The following CFAP47 variants were observed in gnomAD, a reference collection of about 807,000 sequenced individuals.
CFAP47 encodes cilia and flagella associated protein 47.
A neutral mutation model predicts 148.1 loss-of-function variants in CFAP47; 29 were observed. That is an observed-to-expected ratio of 0.20 (90% CI 0.15 to 0.27). The LOEUF (loss-of-function observed/expected upper bound fraction) is 0.27. Ranked by LOEUF, CFAP47 falls within the 10% of genes least tolerant of loss-of-function variation. CFAP47 has a pLI of 1.00. For missense variants in CFAP47, 1,872 were observed against 1,697.5 expected (o/e 1.10, Z -1.81); for synonymous variants, 664 against 577.3 (o/e 1.15, Z -2.15).
At chrX:36,173,720 G>A (rs1185725722) in intron 39 of CFAP47, among the ~76,000 whole-genome samples, 2 of 111,534 alleles carry the variant, frequency 1.8e-5, no homozygotes, top group Non-Finnish European at 3.8e-5. Context: ...TTACTTCCAA[G>A]TATGTCGTCA....
intron 45 of CFAP47, 23 bp from the exon 46 acceptor site, chrX:36,228,605 C>T (rs1555991861): frequency 1.9e-6 from 1 of 514,129 alleles, no homozygotes. Context: ...TTTAAATGAA[C>T]TGTTTTAAAA....
intron 57 of CFAP47, among the ~76,000 whole-genome samples, chrX:36,326,569 T>C (rs911605384): frequency 2.7e-5 from 3 of 111,668 alleles, no homozygotes; most frequent in Non-Finnish European, 5.6e-5. Context: ...GAGGAACTTA[T>C]TAGGAACTGG....
rs150175602 is a variant in CFAP47 at position 36,101,455 on chromosome X, G to C, written c.5127+1576G>C. On this transcript the variant is annotated intron_variant, in intron 32 of 63. Transcript: ENST00000378653. ...CATTTCAATACAGGAAAGCCTTCAA[G>C]TCTGAGAAATCTTTTCAGTTTTCTA... 2.5e-3 allele frequency among the ~76,000 whole-genome samples: 279 copies of C among 111,658 alleles called. 1 individual carries two copies. Among genetic ancestry groups the C allele is most frequent in the African/African-American group, 8.7e-3 (268 of 30,788 alleles).
At chrX:36,011,156 A>G (rs1937034911) in intron 21 of CFAP47, among the ~76,000 whole-genome samples, 1 of 111,945 alleles carries the variant, frequency 8.9e-6, no homozygotes, top group Non-Finnish European at 1.9e-5. Flanking sequence ...GCTGGTGTTG[A>G]GTAGTGTTTT....
chrX:36,204,059 G>A (rs1940011618), intron 44 of CFAP47, among the ~76,000 whole-genome samples: 1 of 111,676 alleles, frequency 9.0e-6, no homozygotes, highest in Admixed American at 9.5e-5. Flanking sequence ...CTTTTGAGAA[G>A]TGTCTGTTCA....
At chrX:36,055,024 G>A (rs1373382106) in intron 26 of CFAP47, among the ~76,000 whole-genome samples, 12 of 108,027 alleles carry the variant, frequency 1.1e-4, no homozygotes, top group African/African-American at 1.3e-4. Flanking sequence ...CACCCGCCTC[G>A]GCCTCCCAAA....
At chrX:36,140,526 G>A (rs1043782569) in intron 35 of CFAP47, among the ~76,000 whole-genome samples, 2 of 93,589 alleles carry the variant, frequency 2.1e-5, no homozygotes, top group African/African-American at 6.1e-5. Flanking sequence ...ATTGAAAGTC[G>A]GCTTAGCAGA....
rs935346621 is a variant in CFAP47, at chrX:36,156,996, C to T, written c.5787-2430C>T. 5.4e-5 allele frequency among the ~76,000 whole-genome samples: 6 copies of T among 110,191 alleles called. No individual in the cohort carries two copies. In the East Asian group the frequency reaches 1.7e-3, roughly 32 times the overall value. On this transcript the variant is annotated intron_variant, in intron 37 of 63. Coordinates refer to ENST00000378653, the MANE Select transcript of CFAP47 (RefSeq NM_001304548.2). ...TTTAGATGGTGGTCATTCTTGAATG[C>T]TTCTCTTTTCATCAGCTTCCATCGA...
chrX:35,924,341 ATG>A (rs1440705786), intron 1 of CFAP47, among the ~76,000 whole-genome samples: 3 of 106,071 alleles, frequency 2.8e-5, no homozygotes, highest in East Asian at 3.0e-4. Context: ...GTGTACATAT[ATG>A]TGTGCATATG....
chrX:36,289,941 T>C (rs782132278), intron 51 of CFAP47, among the ~76,000 whole-genome samples: 3 of 110,751 alleles, frequency 2.7e-5, no homozygotes, highest in Non-Finnish European at 5.7e-5. Context: ...GGGGAGGGTC[T>C]GCTGTCCAAA....
intron 46 of CFAP47, among the ~76,000 whole-genome samples, chrX:36,235,677 A>C (rs1940452697): frequency 8.9e-6 from 1 of 112,294 alleles, no homozygotes; most frequent in Non-Finnish European, 1.9e-5. Flanking sequence ...CCGGTACCTC[A>C]GATGGAAATG....
At chrX:36,060,814 A>G (rs1937588013) in intron 26 of CFAP47, among the ~76,000 whole-genome samples, 1 of 111,663 alleles carries the variant, frequency 9.0e-6, no homozygotes, top group African/African-American at 3.3e-5. Context: ...CTAACATATT[A>G]TGGGTTATTG....
chrX:35,955,069 A>G (rs950378429), intron 7 of CFAP47, among the ~76,000 whole-genome samples: 1 of 111,543 alleles, frequency 9.0e-6, no homozygotes, highest in African/African-American at 3.2e-5. Context: ...TGAATATCAC[A>G]CACCTTTTAT....
intron 36 of CFAP47, among the ~76,000 whole-genome samples, chrX:36,146,418 T>C (rs1939233938): frequency 8.9e-6 from 1 of 112,136 alleles, no homozygotes. Flanking sequence ...GAACACGATT[T>C]ATTTTCTCAT....
intron 49 of CFAP47, among the ~76,000 whole-genome samples, chrX:36,254,280 C>T (rs1431932614): frequency 9.0e-6 from 1 of 111,167 alleles, no homozygotes; most frequent in Non-Finnish European, 1.9e-5. Context: ...ATTGAAAACA[C>T]AGAGAAGACA....
At position 36,133,833 on chromosome X, in the gene CFAP47, G is replaced by GA. The variant is rs781710244; in HGVS notation, c.5321-4117dup. ...AAAGAAAAGAAAAAGAAAGAAAAAG[G>GA]AAAAAAAAGAAAATAACAAACCACC... On this transcript the variant is annotated intron_variant, in intron 33 of 63. Transcript: ENST00000378653. Among the ~76,000 whole-genome samples, 29 of 106,091 alleles carry GA rather than the reference G, an allele frequency of 2.7e-4. 1 individual carries two copies. Among genetic ancestry groups the GA allele is most frequent in the Admixed American group, 2.4e-3 (24 of 9,820 alleles). The allele number at this position is 106,091 out of a possible 115,157, so 92.1% of individuals were successfully genotyped here. A position where few individuals can be genotyped will look rare whatever the true frequency, so the allele number is the denominator to read the frequency against.
chrX:36,124,086 G>A (rs1938795937), intron 33 of CFAP47, among the ~76,000 whole-genome samples: 1 of 111,197 alleles, frequency 9.0e-6, no homozygotes, highest in South Asian at 3.9e-4. Context: ...TAGTGTCCAG[G>A]AGCTGAGTTC....
At chrX:36,281,303 T>C (rs1256341999) in intron 50 of CFAP47, among the ~76,000 whole-genome samples, 1 of 112,688 alleles carries the variant, frequency 8.9e-6, no homozygotes, top group Admixed American at 9.4e-5. Flanking sequence ...TTAGATAGCA[T>C]TCTTCACAGA....
chrX:36,149,762 C>T (rs750169260), intron 37 of CFAP47, among the ~76,000 whole-genome samples: 1 of 108,171 alleles, frequency 9.2e-6, no homozygotes, highest in Admixed American at 1.0e-4. Flanking sequence ...GCGCCTGCCA[C>T]CACGCCTGGC....
Sources: gnomAD v4.1 joint callset for allele counts (sites outside exome capture counted in the v4.1 genomes callset) on GRCh38, gnomAD v4.1.1 for gene constraint, MANE v1.5 for transcripts, NCBI Gene and HGNC (gene_info 2026-07-23, HGNC 2026-07-21) for gene names.